Variants in NUP37 observed in about 807,000 individuals in gnomAD.
The protein encoded by NUP37 is nucleoporin 37, also known as nucleoporin Nup37.
Under a neutral mutation model 45.4 loss-of-function variants are expected in NUP37, and 33 were observed. The observed-to-expected ratio is 0.73, with a 90% CI of 0.55 to 0.97. The LOEUF is 0.97. NUP37 is among the 50% of genes least tolerant of loss of function. The pLI is 0.00. For synonymous variants in NUP37, 127 were observed against 130.7 expected (o/e 0.97, Z 0.19); for missense variants, 365 against 389.7 (o/e 0.94, Z 0.53).
intron 3 of NUP37, among the ~76,000 whole-genome samples, chr12:102,111,543 G>A (rs190756218): frequency 5.3e-5 from 8 of 152,288 alleles, no homozygotes; most frequent in Non-Finnish European, 1.0e-4. Context: ...GACATTTGTA[G>A]AAGGCAAGGC....
chr12:102,078,856 GCA>G (rs1019530262), intron 6 of NUP37, among the ~76,000 whole-genome samples: 2 of 152,040 alleles, frequency 1.3e-5, no homozygotes, highest in Non-Finnish European at 2.9e-5. Flanking sequence ...TTTATCAAAC[GCA>G]CAAATTAATT....
chr12:102,094,216 GA>G (rs1453340910), intron 5 of NUP37, among the ~76,000 whole-genome samples: 1 of 152,068 alleles, frequency 6.6e-6, no homozygotes, highest in Non-Finnish European at 1.5e-5. Flanking sequence ...GCTCTTGTTA[GA>G]ACTATGCAAT....
rs540442349 is a variant in NUP37, at chr12:102,097,509, C to T, written c.449+1597G>A. Among the ~76,000 whole-genome samples, 241 of 152,120 alleles carry T rather than the reference C, an allele frequency of 1.6e-3. 1 individual carries two copies. Among genetic ancestry groups the T allele is most frequent in the Non-Finnish European group, 3.0e-3 (202 of 67,992 alleles). On this transcript the variant is annotated intron_variant, in intron 5 of 9. Transcript: ENST00000552283. ...AAAGTTAGCAACCCTATGTCAGTCC[C>T]CTAAATTTTTAGAGAATTTTGCTAG...
At chr12:102,117,984 GT>G (rs1425825288) in intron 2 of NUP37, among the ~76,000 whole-genome samples, 1 of 152,168 alleles carries the variant, frequency 6.6e-6, no homozygotes, top group Non-Finnish European at 1.5e-5. Context: ...CTGGAAGATT[GT>G]TTTTTGGGCT....
At chr12:102,078,584 C>T (rs190745722) in intron 6 of NUP37, among the ~76,000 whole-genome samples, 38 of 152,276 alleles carry the variant, frequency 2.5e-4, no homozygotes, top group Admixed American at 5.9e-4. Context: ...ACAGACACGC[C>T]GCTTCCTTCA....
intron 6 of NUP37, among the ~76,000 whole-genome samples, chr12:102,080,558 C>T (rs1271730752): frequency 6.6e-6 from 1 of 152,176 alleles, no homozygotes; most frequent in Non-Finnish European, 1.5e-5. Context: ...GGGGTAAGAG[C>T]TTTACATGTC....
intron 5 of NUP37, among the ~76,000 whole-genome samples, chr12:102,092,996 A>G (rs943115981): frequency 2.5e-4 from 38 of 152,278 alleles, no homozygotes; most frequent in African/African-American, 8.9e-4. Context: ...TTAATGTACT[A>G]GCAGTACTAA....
chr12:102,119,762 C>T (rs1354912986), intron 1 of NUP37, among the ~76,000 whole-genome samples: 1 of 152,190 alleles, frequency 6.6e-6, no homozygotes, highest in Non-Finnish European at 1.5e-5. Flanking sequence ...CGAAATTGTT[C>T]CGTCCCTACA....
At chr12:102,102,851 A>G (rs1880014030) in intron 3 of NUP37, among the ~76,000 whole-genome samples, 1 of 152,214 alleles carries the variant, frequency 6.6e-6, no homozygotes. Context: ...CATTGAAGAC[A>G]CTGTCCTTTC....
intron 3 of NUP37, among the ~76,000 whole-genome samples, chr12:102,104,456 CTAGTTT>C (rs1228132334): frequency 1.3e-5 from 2 of 152,130 alleles, no homozygotes; most frequent in Non-Finnish European, 2.9e-5. Flanking sequence ...TTGCCATGTA[CTAGTTT>C]TAAAGTTTGA....
intron 2 of NUP37, among the ~76,000 whole-genome samples, chr12:102,115,477 C>T (rs1402291348): frequency 6.6e-6 from 1 of 152,186 alleles, no homozygotes; most frequent in East Asian, 1.9e-4. Flanking sequence ...TGTTCATGCT[C>T]CTCTGCCCTT....
chr12:102,107,498 C>T (rs907934527), intron 3 of NUP37, among the ~76,000 whole-genome samples: 21 of 152,152 alleles, frequency 1.4e-4, no homozygotes, highest in African/African-American at 2.9e-4. Flanking sequence ...AAATACGTGT[C>T]GGCTGTTGGG....
In NUP37 at chr12:102,112,166, C is replaced by T. The variant is rs752129050; in HGVS notation, c.223G>A (p.Val75Ile). Residue 75 changes from valine (V) to isoleucine (I), a missense_variant, in exon 3 of 10, where the codon GTT becomes ATT. Physicochemically the swap from Val to Ile is conservative, Grantham distance 29 (BLOSUM62 3). Coordinates refer to ENST00000552283, the MANE Select transcript of NUP37 (RefSeq NM_024057.4). ...TCTGGGCTCCAAGCTATGCCATCAA[C>T]CCTGACTCCATGGTGAAATGTTCGA... ...TLRTFHHGVR[V>I]DGIAWSPETR... The T allele has an allele frequency of 1.4e-5, 22 of 1,613,742 alleles. No individual in the cohort carries two copies. Among genetic ancestry groups the T allele is most frequent in the East Asian group, 2.2e-5 (1 of 44,866 alleles).
intron 3 of NUP37, 42 bp from the exon 4 acceptor site, chr12:102,101,146 G>T: frequency 2.6e-6 from 3 of 1,162,516 alleles, no homozygotes; most frequent in Non-Finnish European, 3.7e-6. Flanking sequence ...TTTAGCCTTT[G>T]TAAGTGAAAG....
intron 6 of NUP37, among the ~76,000 whole-genome samples, chr12:102,078,082 C>T (rs139377474): frequency 0.041 from 6,275 of 151,776 alleles, 399 homozygotes; most frequent in East Asian, 0.29. Context: ...AATCCCAGCA[C>T]TTTGGGAGGC....
chr12:102,074,900 T>C (rs1160638266), intron 9 of NUP37, 101 bp downstream of exon 9: 13 of 603,674 alleles, frequency 2.2e-5, no homozygotes, highest in Non-Finnish European at 3.3e-5. Flanking sequence ...CGTAAATGTC[T>C]TCAGTCAACA....
intron 3 of NUP37, among the ~76,000 whole-genome samples, chr12:102,110,893 T>C (rs919014858): frequency 5.9e-5 from 9 of 152,082 alleles, no homozygotes; most frequent in Non-Finnish European, 8.8e-5. Context: ...CCTTAGATTA[T>C]TGGGGAAAAG....
intron 8 of NUP37, among the ~76,000 whole-genome samples, chr12:102,075,557 C>T (rs897035729): frequency 2.6e-5 from 4 of 152,130 alleles, no homozygotes; most frequent in African/African-American, 4.8e-5. Context: ...TACAATTAGA[C>T]CGGGAATTCC....
chr12:102,100,565 T>C (rs1052976452), intron 4 of NUP37, among the ~76,000 whole-genome samples: 2 of 152,186 alleles, frequency 1.3e-5, no homozygotes, highest in African/African-American at 4.8e-5. Context: ...GAGATTAGGT[T>C]ACTTAACCAA....
Sources: allele counts gnomAD v4.1 joint callset (sites outside exome capture counted in the v4.1 genomes callset), GRCh38; gene constraint gnomAD v4.1.1; transcripts MANE v1.5; gene names NCBI Gene and HGNC (gene_info 2026-07-23, HGNC 2026-07-21).